GLIS3: variants seen among roughly 807,000 people sequenced by gnomAD.
The protein encoded by GLIS3 is GLIS family zinc finger 3.
In GLIS3, 53 loss-of-function variants were observed where a neutral mutation model predicts 78.6. The observed-to-expected ratio is 0.67, with a 90% confidence interval of 0.54 to 0.85. The LOEUF (loss-of-function observed/expected upper bound fraction) is 0.85. Ranked by LOEUF, GLIS3 falls within the 40% of genes least tolerant of loss-of-function variation. The pLI is 0.00. For missense variants in GLIS3, 1,703 were observed against 1,231.1 expected, an observed-to-expected ratio of 1.38 and a Z score of -5.74; for synonymous variants, 684 against 509.9, an observed-to-expected ratio of 1.34 and a Z score of -4.60.
chr9:4,117,743 C>T (rs753858898), intron 4 of GLIS3, 25 bp downstream of exon 4: 31 of 1,614,100 alleles, frequency 1.9e-5, no homozygotes, highest in East Asian at 4.5e-5. Context: ...CAAGAGAGGT[C>T]ACCCCTTGCG....
At chr9:4,125,307 A>G (rs773680979) in intron 3 of GLIS3, among the ~76,000 whole-genome samples, 1 of 152,232 alleles carries the variant, frequency 6.6e-6, no homozygotes, top group Non-Finnish European at 1.5e-5. Context: ...GGATGCACAG[A>G]TGGACAAGAC....
At chr9:3,892,008 G>C (rs1171946257) in intron 7 of GLIS3, among the ~76,000 whole-genome samples, 1 of 152,062 alleles carries the variant, frequency 6.6e-6, no homozygotes, top group Non-Finnish European at 1.5e-5. Flanking sequence ...GTAGAAAAAA[G>C]GACTTTCTCT....
the GLIS3 span, among the ~76,000 whole-genome samples, chr9:4,417,900 G>T: frequency 7.2e-5 from 11 of 152,060 alleles, no homozygotes; most frequent in Admixed American, 5.2e-4. Context: ...ATGTGGATTG[G>T]TATATCTGTC....
At chr9:4,298,520 C>A (rs1054264214) in intron 1 of GLIS3, 2 of 404,126 alleles carry the variant, frequency 4.9e-6, no homozygotes, top group Admixed American at 2.8e-5. Flanking sequence ...AGGTGTGTGT[C>A]TAGGAGAGAG....
At chr9:4,207,134 G>A (rs1234210054) in intron 2 of GLIS3, among the ~76,000 whole-genome samples, 1 of 152,158 alleles carries the variant, frequency 6.6e-6, no homozygotes, top group African/African-American at 2.4e-5. Flanking sequence ...GGTATGTGGA[G>A]AATAATCCAT....
intron 2 of GLIS3, among the ~76,000 whole-genome samples, chr9:4,276,044 A>C (rs1168107137): frequency 6.6e-6 from 1 of 151,924 alleles, no homozygotes; most frequent in Non-Finnish European, 1.5e-5. Context: ...GCACTTTGGA[A>C]GGCCGAGGCA....
At chr9:4,366,676 G>C in the GLIS3 span, among the ~76,000 whole-genome samples, 1 of 152,228 alleles carries the variant, frequency 6.6e-6, no homozygotes, top group Admixed American at 6.5e-5. Flanking sequence ...GACGAGGAGA[G>C]GCCTTTTCAG....
the GLIS3 span, among the ~76,000 whole-genome samples, chr9:4,452,156 A>G: frequency 6.6e-6 from 1 of 152,194 alleles, no homozygotes; most frequent in African/African-American, 2.4e-5. Context: ...TAAAGTAGGT[A>G]TTGATGGAAC....
intron 9 of GLIS3, among the ~76,000 whole-genome samples, chr9:3,833,195 C>T (rs905358771): frequency 7.2e-5 from 11 of 152,124 alleles, no homozygotes; most frequent in African/African-American, 2.4e-4. Context: ...CCAGAATGGC[C>T]CCACAAGCAT....
intron 2 of GLIS3, among the ~76,000 whole-genome samples, chr9:4,195,834 A>C (rs1818784504): frequency 6.6e-6 from 1 of 152,184 alleles, no homozygotes; most frequent in African/African-American, 2.4e-5. Flanking sequence ...GTCTGTAAAC[A>C]CACCAGTGTT....
At chr9:3,949,176 CTTTT>C (rs566858706) in intron 4 of GLIS3, among the ~76,000 whole-genome samples, 15 of 152,280 alleles carry the variant, frequency 9.9e-5, no homozygotes, top group Non-Finnish European at 1.8e-4. Flanking sequence ...TGCTCTCTTT[CTTTT>C]TTTCTCTTAC....
chr9:3,987,088 C>G (rs538666928), intron 4 of GLIS3, among the ~76,000 whole-genome samples: 3 of 151,596 alleles, frequency 2.0e-5, no homozygotes, highest in African/African-American at 4.8e-5. Flanking sequence ...TCTTTTGAAA[C>G]AAATGGAAAA....
At chr9:4,415,343 A>G in the GLIS3 span, among the ~76,000 whole-genome samples, 1 of 152,118 alleles carries the variant, frequency 6.6e-6, no homozygotes, top group African/African-American at 2.4e-5. Context: ...GAACCTCAAC[A>G]TTATTTTTCC....
chr9:4,046,220 C>A (rs762510815), intron 4 of GLIS3, among the ~76,000 whole-genome samples: 12 of 152,122 alleles, frequency 7.9e-5, no homozygotes, highest in Non-Finnish European at 1.8e-4. Flanking sequence ...AGAGAGGATT[C>A]TAGTAGCTTA....
chr9:4,050,701 T>C (rs1214379483), intron 4 of GLIS3, among the ~76,000 whole-genome samples: 1 of 152,234 alleles, frequency 6.6e-6, no homozygotes, highest in African/African-American at 2.4e-5. Context: ...GGGGCCTTTA[T>C]TGTTTTTATA....
chr9:4,443,229 C>T, the GLIS3 span, among the ~76,000 whole-genome samples: 1 of 152,140 alleles, frequency 6.6e-6, no homozygotes, highest in East Asian at 1.9e-4. Context: ...GACCCAGAGC[C>T]CAGCAAGCCT....
chr9:3,935,376 G>C (rs1825835758), intron 5 of GLIS3, among the ~76,000 whole-genome samples: 1 of 152,142 alleles, frequency 6.6e-6, no homozygotes, highest in Admixed American at 6.5e-5. Context: ...AAAAGCGATT[G>C]CATTAACAAA....
At chr9:4,156,982 C>T (rs558833218) in intron 2 of GLIS3, among the ~76,000 whole-genome samples, 13 of 152,290 alleles carry the variant, frequency 8.5e-5, no homozygotes, top group Middle Eastern at 3.4e-3. Flanking sequence ...AGGGTCAACC[C>T]ATTGGCATTT....
intron 4 of GLIS3, among the ~76,000 whole-genome samples, chr9:3,958,193 C>G (rs749448035): frequency 6.6e-6 from 1 of 152,126 alleles, no homozygotes; most frequent in Non-Finnish European, 1.5e-5. Flanking sequence ...CTGCACAATT[C>G]AGAGTTTTCA....
Sources: allele counts gnomAD v4.1 joint callset (sites outside exome capture counted in the v4.1 genomes callset), GRCh38; gene constraint gnomAD v4.1.1; transcripts MANE v1.5; gene names NCBI Gene and HGNC (gene_info 2026-07-23, HGNC 2026-07-21).